The following OLFM1 variants were observed in gnomAD, a reference collection of about 807,000 sequenced individuals.
OLFM1 encodes the protein olfactomedin 1, also known as noelin.
In OLFM1, 9 loss-of-function variants were observed where a neutral mutation model predicts 49.7. The observed-to-expected ratio is 0.18, with a 90% CI of 0.11 to 0.32. The LOEUF (loss-of-function observed/expected upper bound fraction) is 0.32, where lower values mean the gene tolerates loss of function less well. OLFM1 is among the 10% of genes least tolerant of loss of function. The pLI is 1.00. For missense variants in OLFM1, 369 were observed against 661.8 expected (o/e 0.56, Z 4.85); for synonymous variants, 240 against 271.8 (o/e 0.88, Z 1.15).
chr9:135,076,373 G>A (rs1285133451), intron 1 of OLFM1: 1 of 1,521,884 alleles, frequency 6.6e-7, no homozygotes, highest in Admixed American at 2.0e-5. Flanking sequence ...GGGGGGCTGT[G>A]GCCACATGCC....
At chr9:135,105,770 TGTG>T (rs1830934028) in intron 4 of OLFM1, 1 of 152,230 alleles carries the variant, frequency 6.6e-6, no homozygotes, top group South Asian at 2.1e-4. Flanking sequence ...TGCGGGGACT[TGTG>T]GTGGAGGGGC....
chr9:135,089,427 G>A (rs962395846), intron 1 of OLFM1, among the ~76,000 whole-genome samples: 5 of 152,210 alleles, frequency 3.3e-5, no homozygotes, highest in Admixed American at 2.6e-4. Flanking sequence ...GGCAGGGCTG[G>A]GCTGCAAGGT....
At chr9:135,116,778 G>A (rs751839014) in intron 5 of OLFM1, among the ~76,000 whole-genome samples, 3 of 151,350 alleles carry the variant, frequency 2.0e-5, no homozygotes, top group East Asian at 1.9e-4. Flanking sequence ...ACATGGCCCC[G>A]TTCCCTCCAA....
intron 5 of OLFM1, among the ~76,000 whole-genome samples, chr9:135,118,235 G>A (rs1325445647): frequency 5.9e-5 from 9 of 152,136 alleles, no homozygotes; most frequent in African/African-American, 1.2e-4. Flanking sequence ...CTGGGTCTTT[G>A]GAAGTCCTCA....
chr9:135,093,051 A>G (rs1450477706), intron 2 of OLFM1, among the ~76,000 whole-genome samples: 1 of 152,180 alleles, frequency 6.6e-6, no homozygotes, highest in African/African-American at 2.4e-5. Flanking sequence ...ACAGCTGAGC[A>G]TATTCCAGCC....
Position 135,088,086 on chromosome 9 carries a change from A to G in OLFM1, c.97A>G (p.Asn33Asp), listed in dbSNP as rs1830624689. The change falls in exon 1 of 6, where the codon AAC (asparagine) becomes GAC (aspartate). Residue 33 changes from asparagine (N) to aspartate (D), a missense_variant. By Grantham distance (23) the Asn-to-Asp change is conservative. Transcript: ENST00000371793. This position sits in a 1 kb window ranked among gnomAD's most constrained non-coding sequence, Gnocchi z 4.8. ...GACGCTGCCCTCGCTGGTGGGCCTC[A>G]ACACCACCAAGCTCTCGGCGGCCGG... The part of the protein sequence containing the change: ...SQTLPSLVGL[N>D]TTKLSAAGGG... 2.1e-6 allele frequency: 3 copies of G among 1,440,238 alleles called. No individual in the cohort carries two copies. Among genetic ancestry groups the G allele is most frequent in the East Asian group, 3.0e-5 (1 of 33,028 alleles). The allele number at this position is 1,440,238 out of a possible 1,614,324, so 89.2% of individuals were successfully genotyped here.
chr9:135,076,029 G>A (rs1467727311), intron 1 of OLFM1: 2 of 1,449,576 alleles, frequency 1.4e-6, no homozygotes, highest in South Asian at 1.5e-5. Flanking sequence ...CGGCTCAGCA[G>A]AGCTGACAGC....
At chr9:135,087,326 C>A (rs1830610689), upstream of OLFM1, 3 of 1,534,030 alleles carry the variant, frequency 2.0e-6, no homozygotes, top group Non-Finnish European at 2.6e-6. Flanking sequence ...ACCTTTGCCC[C>A]AAAGCGGACC....
chr9:135,077,943 G>A (rs1467991626), intron 1 of OLFM1, among the ~76,000 whole-genome samples: 1 of 152,230 alleles, frequency 6.6e-6, no homozygotes, highest in East Asian at 1.9e-4. Context: ...CGAGAGCCTG[G>A]CTACCCTAGT....
At chr9:135,087,570 G>A, upstream of OLFM1, 1 of 1,079,556 alleles carries the variant, frequency 9.3e-7, no homozygotes, top group Non-Finnish European at 1.2e-6. Flanking sequence ...CCGAGCGAGA[G>A]GAAAAATCCA....
intron 5 of OLFM1, among the ~76,000 whole-genome samples, chr9:135,119,058 A>ATCTTTGGAAGTGCTCACTGGG (rs1199189344): frequency 0.069 from 4,598 of 66,810 alleles, no homozygotes; most frequent in Middle Eastern, 0.12. Flanking sequence ...TGCTCACTGG[A>ATCTTTGGAAGTGCTCACTGGG]TCTTTGGAAG....
chr9:135,107,957 C>G (rs1020819194), intron 5 of OLFM1, among the ~76,000 whole-genome samples: 1 of 152,186 alleles, frequency 6.6e-6, no homozygotes, highest in Non-Finnish European at 1.5e-5. Context: ...CTCTGGCACA[C>G]TCCTTCCTTC....
chr9:135,081,150 T>A (rs962019687), intron 1 of OLFM1, among the ~76,000 whole-genome samples: 9 of 152,232 alleles, frequency 5.9e-5, no homozygotes, highest in African/African-American at 2.2e-4. Flanking sequence ...ATTCTTGACC[T>A]GAGGACACAC....
At position 135,117,430 on chromosome 9, in the gene OLFM1, G is replaced by A. The variant is rs1005692568; in HGVS notation, c.784-2074G>A. Among the ~76,000 whole-genome samples the A allele has an allele frequency of 3.3e-5, 5 of 152,222 alleles. No individual in the cohort carries two copies. Among genetic ancestry groups the A allele is most frequent in the Non-Finnish European group, 7.3e-5 (5 of 68,042 alleles). ...CAGACAGGATGACTCAGTCCGTGCC[G>A]CAGCGATGGCTTGGTGGGAGGAGAG... is the stretch of plus-strand genomic sequence containing the variant. On this transcript the variant is annotated intron_variant, in intron 5 of 5. Transcript: ENST00000371793. This position sits in a 1 kb window ranked among gnomAD's most constrained non-coding sequence, Gnocchi z 5.5.
At chr9:135,089,893 A>C (rs1295041382) in intron 1 of OLFM1, among the ~76,000 whole-genome samples, 2 of 152,116 alleles carry the variant, frequency 1.3e-5, no homozygotes, top group Non-Finnish European at 2.9e-5. Context: ...CACCCAGCAG[A>C]TCAATTTGGC....
At position 135,080,106 on chromosome 9, in the gene OLFM1, TC is replaced by T. The variant is rs113606966; in HGVS notation, c.96+4310del. ...CCCATCCCTCTGAATCTGTTCCTCA[TC>T]CCCCCATTTAGCTCATTCTAGAGCT... On this transcript the variant is annotated intron_variant, in intron 1 of 5. Coordinates refer to the OLFM1 transcript ENST00000252854. The surrounding 1 kb of genome is among the most constrained non-coding windows in gnomAD (Gnocchi z 4.5). 0.14 allele frequency among the ~76,000 whole-genome samples: 21,292 copies of T among 151,490 alleles called. 1,828 individuals are homozygous for T. Among genetic ancestry groups the T allele is most frequent in the African/African-American group, 0.23 (9,627 of 41,196 alleles).
intron 5 of OLFM1, among the ~76,000 whole-genome samples, chr9:135,109,725 A>G (rs748141596): frequency 2.6e-5 from 4 of 152,114 alleles, no homozygotes; most frequent in Non-Finnish European, 5.9e-5. Flanking sequence ...CCAAAAAAAA[A>G]AGAAAAAGAA....
chr9:135,083,245 C>A (rs960348499), upstream of OLFM1, among the ~76,000 whole-genome samples: 12 of 152,194 alleles, frequency 7.9e-5, no homozygotes, highest in Non-Finnish European at 1.6e-4. Flanking sequence ...CTTCAAAGTA[C>A]CACTCCCAGA....
chr9:135,097,855 A>G, intron 3 of OLFM1: 1 of 1,606,284 alleles, frequency 6.2e-7, no homozygotes, highest in Non-Finnish European at 8.5e-7. Flanking sequence ...CATGAAAGAG[A>G]GCCAGAGAGC....
Sources: gnomAD v4.1 joint callset for allele counts (sites outside exome capture counted in the v4.1 genomes callset) on GRCh38, gnomAD v4.1.1 for gene constraint, Gnocchi (gnomAD v3.1) non-coding constraint, MANE v1.5 for transcripts, NCBI Gene and HGNC (gene_info 2026-07-23, HGNC 2026-07-21) for gene names.